Variants in PCDHA2 observed in about 807,000 individuals in gnomAD.
PCDHA2 encodes the protein protocadherin alpha 2.
Under a neutral mutation model 66.0 loss-of-function variants are expected in PCDHA2, and 58 were observed. That is an observed-to-expected ratio of 0.88 (90% CI 0.71 to 1.09). The LOEUF (loss-of-function observed/expected upper bound fraction) is 1.09. PCDHA2 is among the 50% of genes least tolerant of loss of function. PCDHA2 has a pLI of 0.00. For synonymous variants in PCDHA2, 634 were observed against 554.0 expected (o/e 1.14, Z -2.03); for missense variants, 1,267 against 1,242.3 (o/e 1.02, Z -0.30).
chr5:140,884,634 GGGA>G (rs1562808845), intron 1 of PCDHA2: 3 of 1,612,414 alleles, frequency 1.9e-6, no homozygotes, highest in Non-Finnish European at 2.5e-6. Context: ...ACAGGCCAGA[GGGA>G]GGAGGACTCA....
At chr5:141,008,015 T>C (rs2098356412) in intron 3 of PCDHA2, among the ~76,000 whole-genome samples, 1 of 152,088 alleles carries the variant, frequency 6.6e-6, no homozygotes. Flanking sequence ...TTCTGTTTCC[T>C]TTTTTTTCTT....
chr5:140,833,359 A>T (rs1015586759), intron 1 of PCDHA2, among the ~76,000 whole-genome samples: 2 of 152,216 alleles, frequency 1.3e-5, no homozygotes, highest in Non-Finnish European at 2.9e-5. Context: ...AAACGAACAC[A>T]GTAAGGTAGA....
chr5:140,834,228 G>A (rs1772850652), intron 1 of PCDHA2: 1 of 716,682 alleles, frequency 1.4e-6, no homozygotes. Flanking sequence ...GCAAAAGGAA[G>A]TCATTCCTTT....
chr5:140,824,610 G>GTTTGTTTTT (rs1768197195), intron 1 of PCDHA2: 1 of 95,104 alleles, frequency 1.1e-5, no homozygotes, highest in Non-Finnish European at 1.9e-5. Context: ...GCTAATTAAA[G>GTTTGTTTTT]TTTTTTTTTT....
At chr5:140,848,581 G>C in intron 1 of PCDHA2, 1 of 1,595,130 alleles carries the variant, frequency 6.3e-7, no homozygotes, top group Non-Finnish European at 8.6e-7. Flanking sequence ...GTGGGGAGCG[G>C]CCAGCTCCAC....
At chr5:140,997,897 A>C (rs13175095) in intron 3 of PCDHA2, among the ~76,000 whole-genome samples, 9,880 of 152,266 alleles carry the variant, frequency 0.065, 363 homozygotes, top group East Asian at 0.12. Flanking sequence ...GATAAATTTC[A>C]AGAAGTAGAA....
At chr5:140,888,309 C>T (rs1175163005) in intron 1 of PCDHA2, among the ~76,000 whole-genome samples, 1 of 152,138 alleles carries the variant, frequency 6.6e-6, no homozygotes, top group Admixed American at 6.5e-5. Context: ...GATAATTTGG[C>T]AATGCCTGGA....
chr5:140,899,123 A>T (rs1190536862), intron 1 of PCDHA2, among the ~76,000 whole-genome samples: 6 of 152,240 alleles, frequency 3.9e-5, no homozygotes, highest in Non-Finnish European at 7.3e-5. Flanking sequence ...ATATACAATC[A>T]TGTCTTCTGC....
At chr5:140,812,642 A>G (rs1178933348) in intron 1 of PCDHA2, 2 of 152,060 alleles carry the variant, frequency 1.3e-5, no homozygotes, top group Non-Finnish European at 2.9e-5. Context: ...TTTCATGTTT[A>G]AGAGACAAGA....
intron 1 of PCDHA2, chr5:140,836,268 G>A: frequency 6.2e-7 from 1 of 1,613,816 alleles, no homozygotes; most frequent in African/African-American, 1.3e-5. Flanking sequence ...GCTGTACACT[G>A]GTGAGATCAG....
rs2150223480 is a variant in PCDHA2 at position 140,834,653 on chromosome 5, C to A, written c.2388+37301C>A. 5.0e-6 allele frequency: 8 copies of A among 1,614,072 alleles called. No individual in the cohort carries two copies. The Admixed American group carries it at 1.3e-4, about 27-fold the overall frequency. On this transcript the variant is annotated intron_variant, in intron 1 of 3. Coordinates refer to ENST00000526136, the MANE Select transcript of PCDHA2 (RefSeq NM_018905.3). The stretch of plus-strand genomic sequence containing the variant: ...GCATTTTGTTTGTGAATTCTCGGAT[C>A]GACCGCGAGGAGCTGTGCGGGCGGA...
intron 1 of PCDHA2, among the ~76,000 whole-genome samples, chr5:140,838,420 G>A (rs1431483628): frequency 6.6e-6 from 1 of 151,224 alleles, no homozygotes; most frequent in Non-Finnish European, 1.5e-5. Flanking sequence ...CACCGCATCC[G>A]GCCTAAATTA....
rs782516629 is a variant in PCDHA2, at chr5:140,876,277, C to G, written c.2388+78925C>G. 5 of 1,613,988 alleles carry G rather than the reference C, an allele frequency of 3.1e-6. No homozygotes were observed. The highest frequency in any genetic ancestry group is 2.2e-5 in the East Asian group (1 of 44,886). Reference sequence around the variant, plus strand: ...AGTGATCCAACTAAATGCTTCCGATCCAGACGAAGGACTTAATGGAGAAAT... The same window carrying G: ...AGTGATCCAACTAAATGCTTCCGATGCAGACGAAGGACTTAATGGAGAAAT... On this transcript the variant is annotated intron_variant, in intron 1 of 3. Transcript: ENST00000526136.
At chr5:140,816,435 C>T (rs2126671679) in intron 1 of PCDHA2, 10 of 151,984 alleles carry the variant, frequency 6.6e-5, no homozygotes, top group African/African-American at 1.2e-4. Flanking sequence ...ATCTTTATGA[C>T]AATTATTTTG....
At chr5:140,801,684 G>C (rs782708273) in intron 1 of PCDHA2, 4 of 1,614,204 alleles carry the variant, frequency 2.5e-6, no homozygotes, top group Non-Finnish European at 3.4e-6. Flanking sequence ...TGCAGATATC[G>C]GAACAAATTC....
At chr5:140,945,437 A>T (rs2093790061) in intron 1 of PCDHA2, among the ~76,000 whole-genome samples, 1 of 152,192 alleles carries the variant, frequency 6.6e-6, no homozygotes, top group South Asian at 2.1e-4. Context: ...TTTTACAGAA[A>T]TATAAAAAAC....
chr5:140,883,606 C>T (rs782093980), intron 1 of PCDHA2: 1 of 1,613,942 alleles, frequency 6.2e-7, no homozygotes, highest in South Asian at 1.1e-5. Flanking sequence ...TGGGGGTGGC[C>T]GACGTGAACG....
At chr5:140,872,497 C>G (rs1554166232) in intron 1 of PCDHA2, among the ~76,000 whole-genome samples, 1 of 152,150 alleles carries the variant, frequency 6.6e-6, no homozygotes. Context: ...CCTAGTGGTG[C>G]ATGCCTGTAG....
At chr5:140,802,784 G>A in intron 1 of PCDHA2, 3 of 1,613,342 alleles carry the variant, frequency 1.9e-6, no homozygotes, top group Non-Finnish European at 2.5e-6. Context: ...AGGAGCTAGA[G>A]CTGCTGCAGT....
Sources: allele counts gnomAD v4.1 joint callset (sites outside exome capture counted in the v4.1 genomes callset), GRCh38; gene constraint gnomAD v4.1.1; transcripts MANE v1.5; gene names NCBI Gene and HGNC (gene_info 2026-07-23, HGNC 2026-07-21).